The following UBOX5 variants were observed in gnomAD, a reference collection of about 807,000 sequenced individuals.
UBOX5 encodes U-box domain containing 5.
Under a neutral mutation model 39.0 loss-of-function variants are expected in UBOX5, and 28 were observed. The ratio of observed to expected loss-of-function variants is 0.72; its 90% confidence interval spans 0.53 to 0.98. The LOEUF (loss-of-function observed/expected upper bound fraction) is 0.98. UBOX5 is among the 50% of genes least tolerant of loss of function. The pLI is 0.00. For synonymous variants in UBOX5, 283 were observed against 275.5 expected (o/e 1.03, Z -0.27); for missense variants, 585 against 674.4 (o/e 0.87, Z 1.47).
At chr20:3,145,965 G>C (rs1466168895) in intron 1 of UBOX5, among the ~76,000 whole-genome samples, 1 of 151,534 alleles carries the variant, frequency 6.6e-6, no homozygotes, top group Non-Finnish European at 1.5e-5. Context: ...AGAACTGCCT[G>C]AACCTGGGAG....
At chr20:3,155,311 C>A (rs1276020277) in intron 1 of UBOX5, among the ~76,000 whole-genome samples, 1 of 152,150 alleles carries the variant, frequency 6.6e-6, no homozygotes, top group African/African-American at 2.4e-5. Flanking sequence ...AGGAGGATCA[C>A]CTGAGGTCAG....
intron 1 of UBOX5, among the ~76,000 whole-genome samples, chr20:3,143,859 T>A (rs2066538864): frequency 6.6e-6 from 1 of 152,008 alleles, no homozygotes; most frequent in African/African-American, 2.4e-5. Flanking sequence ...CTTGGGAGGC[T>A]GAGGTTAGAG....
At chr20:3,159,085 A>T (rs1362262991) in intron 1 of UBOX5, among the ~76,000 whole-genome samples, 1 of 152,214 alleles carries the variant, frequency 6.6e-6, no homozygotes, top group African/African-American at 2.4e-5. Flanking sequence ...TCCCTGAGTC[A>T]AGACAGAAGA....
At chr20:3,137,538 G>C (rs548602943) in intron 1 of UBOX5, among the ~76,000 whole-genome samples, 2 of 152,226 alleles carry the variant, frequency 1.3e-5, no homozygotes, top group African/African-American at 4.8e-5. Flanking sequence ...CAAAGTGTTG[G>C]GATTACAAGT....
chr20:3,150,116 G>A (rs970075611), intron 1 of UBOX5, among the ~76,000 whole-genome samples: 1 of 151,966 alleles, frequency 6.6e-6, no homozygotes, highest in African/African-American at 2.4e-5. Context: ...TCATTCTAAT[G>A]CTGTTCTTTT....
chr20:3,146,884 G>C (rs1419989605), intron 1 of UBOX5: 1 of 1,614,212 alleles, frequency 6.2e-7, no homozygotes, highest in South Asian at 1.1e-5. Flanking sequence ...CCACACGGTA[G>C]CCAAGCCGAG....
At chr20:3,158,097 C>A (rs1163804685) in intron 1 of UBOX5, among the ~76,000 whole-genome samples, 1 of 152,044 alleles carries the variant, frequency 6.6e-6, no homozygotes, top group Non-Finnish European at 1.5e-5. Context: ...CCCACCACCA[C>A]GCCTGGCTAC....
At chr20:3,138,302 G>GT (rs2066488528) in intron 1 of UBOX5, among the ~76,000 whole-genome samples, 1 of 151,542 alleles carries the variant, frequency 6.6e-6, no homozygotes, top group African/African-American at 2.4e-5. Flanking sequence ...TATTATGAAA[G>GT]TATTATGATC....
intron 1 of UBOX5, among the ~76,000 whole-genome samples, chr20:3,131,998 A>G (rs1223422098): frequency 2.4e-5 from 3 of 126,876 alleles, no homozygotes; most frequent in Non-Finnish European, 3.3e-5. Context: ...ATAGAGTGAG[A>G]CACTGTCTCA....
At position 3,139,135 on chromosome 20, in the gene UBOX5, T is replaced by C. The variant is rs1461185424; in HGVS notation, c.-41-15729A>G. ...TACTTCTTATAATTTCTAAATTGAG[T>C]TACCTGTCCATCCATGAAAAAAGTT... On this transcript the variant is annotated intron_variant, in intron 1 of 4. Coordinates refer to ENST00000217173, the MANE Select transcript of UBOX5 (RefSeq NM_014948.4). Among the ~76,000 whole-genome samples the C allele has an allele frequency of 2.0e-5, 3 of 152,132 alleles. No homozygotes were observed. The East Asian group carries it at 5.8e-4, about 29-fold the overall frequency.
intron 1 of UBOX5, among the ~76,000 whole-genome samples, chr20:3,129,048 T>G (rs2066410881): frequency 6.6e-6 from 1 of 152,154 alleles, no homozygotes. Flanking sequence ...GAGTCAGCCT[T>G]CTGTTCAAGC....
chr20:3,145,338 A>T (rs2066550875), intron 1 of UBOX5, among the ~76,000 whole-genome samples: 1 of 151,868 alleles, frequency 6.6e-6, no homozygotes, highest in African/African-American at 2.4e-5. Context: ...TTTTTAGTAG[A>T]GATGGGGTTT....
In UBOX5 at chr20:3,110,202, T is replaced by G. The variant is rs708973; in HGVS notation, c.1530A>C (p.Arg510=). Residue 510 remains arginine (R), a synonymous_variant, in exon 5 of 5, where the codon CGA becomes CGC. Coordinates refer to ENST00000217173, the MANE Select transcript of UBOX5 (RefSeq NM_014948.4). The stretch of plus-strand genomic sequence containing the variant: ...AGCGTTGCTTCTCACCCAGGCAGGG[T>G]CGGCACAGGAGGTGGCCGCAGGGCA... ...YQLPCGHLLC[R]PCLGEKQRSL... is the part of the protein sequence containing the mutation. 545,209 of 1,613,768 alleles carry G rather than the reference T, an allele frequency of 0.34. 95,429 individuals carry two copies. The highest frequency in any genetic ancestry group is 0.36 in the Non-Finnish European group (422,767 of 1,179,960).
intron 1 of UBOX5, chr20:3,146,982 G>A: frequency 6.2e-7 from 1 of 1,614,190 alleles, no homozygotes; most frequent in Non-Finnish European, 8.5e-7. Context: ...TGAACAGCCA[G>A]CTTCATTCTT....
intron 1 of UBOX5, among the ~76,000 whole-genome samples, chr20:3,127,608 G>A (rs533790729): frequency 1.8e-4 from 28 of 151,554 alleles, no homozygotes; most frequent in African/African-American, 6.5e-4. Flanking sequence ...TCTCCACCTC[G>A]GTCAGTCTGC....
chr20:3,147,300 C>CT, intron 1 of UBOX5: 1 of 1,614,218 alleles, frequency 6.2e-7, no homozygotes, highest in Non-Finnish European at 8.5e-7. Context: ...AGCTGGACCT[C>CT]TAAGTCAGAA....
At chr20:3,148,138 A>G in intron 1 of UBOX5, 1 of 1,613,846 alleles carries the variant, frequency 6.2e-7, no homozygotes, top group Non-Finnish European at 8.5e-7. Flanking sequence ...AATTGATCAA[A>G]TCTATATATT....
chr20:3,122,075 G>A lies in UBOX5; in HGVS notation c.564C>T (p.Ile188=). 1 of 1,614,232 alleles carries A rather than the reference G, an allele frequency of 6.2e-7. No individual in the cohort carries two copies. The highest frequency in any genetic ancestry group is 1.6e-4 in the Middle Eastern group (1 of 6,062). ...GCTGACCCCACACTTCCAACCGCTT[G>A]ATACAAGGGATACCGCCGCCTGTCA... is the stretch of plus-strand genomic sequence containing the variant. ...THVTGGGIPC[I]KRLEVWGQPA... is the part of the protein sequence containing the mutation. The change falls in exon 3 of 5, where the codon ATC becomes ATT. Residue 188 remains isoleucine, a synonymous_variant. Transcript: ENST00000217173.
At chr20:3,148,650 C>T in intron 1 of UBOX5, 1 of 1,614,168 alleles carries the variant, frequency 6.2e-7, no homozygotes, top group South Asian at 1.1e-5. Context: ...CCTTCTGAAA[C>T]AGACAGGAGC....
Sources: allele counts gnomAD v4.1 joint callset (sites outside exome capture counted in the v4.1 genomes callset), GRCh38; gene constraint gnomAD v4.1.1; transcripts MANE v1.5; gene names NCBI Gene and HGNC (gene_info 2026-07-23, HGNC 2026-07-21).